The following C11orf42 variants were observed in gnomAD, a reference collection of about 807,000 sequenced individuals.
C11orf42 encodes the protein uncharacterized protein C11orf42.
In C11orf42, 24 loss-of-function variants were observed where a neutral mutation model predicts 27.9. The ratio of observed to expected loss-of-function variants is 0.86; its 90% CI spans 0.62 to 1.21. The LOEUF is 1.21. C11orf42 is among the 50% of genes most tolerant of loss of function. C11orf42 has a pLI of 0.00. For missense variants in C11orf42, 455 were observed against 424.1 expected, an observed-to-expected ratio of 1.07 and a Z score of -0.64; for synonymous variants, 187 against 180.8, an observed-to-expected ratio of 1.03 and a Z score of -0.28.
intron 1 of C11orf42, among the ~76,000 whole-genome samples, chr11:6,207,502 T>C (rs968303912): frequency 1.3e-5 from 2 of 152,222 alleles, no homozygotes; most frequent in Admixed American, 6.5e-5. Context: ...TAGTGTGAGA[T>C]TCTGATGTCA....
At chr11:6,209,472 G>C (rs1316190457) in intron 1 of C11orf42, among the ~76,000 whole-genome samples, 1 of 152,116 alleles carries the variant, frequency 6.6e-6, no homozygotes, top group Non-Finnish European at 1.5e-5. Context: ...CAAAACTCAA[G>C]TATCACCATC....
At chr11:6,207,743 A>G (rs780125957) in intron 1 of C11orf42, among the ~76,000 whole-genome samples, 3 of 152,250 alleles carry the variant, frequency 2.0e-5, no homozygotes, top group Admixed American at 6.5e-5. Flanking sequence ...ACAGTAGTCT[A>G]CAAGCTACCT....
chr11:6,207,323 G>A (rs941456225), intron 1 of C11orf42, among the ~76,000 whole-genome samples: 4 of 152,196 alleles, frequency 2.6e-5, no homozygotes, highest in African/African-American at 4.8e-5. Flanking sequence ...TAGGAAGAGC[G>A]TATGGGGAAT....
At chr11:6,209,711 A>G in intron 1 of C11orf42, 139 bp from the exon 2 acceptor site, 2 of 797,368 alleles carry the variant, frequency 2.5e-6, no homozygotes, top group Non-Finnish European at 4.0e-6. Flanking sequence ...GCTGCCGGAG[A>G]GCTGGGAGGT....
chr11:6,210,941 C>G lies in C11orf42; in HGVS notation c.901C>G (p.Pro301Ala). The change falls in exon 3 of 3, where the codon CCA becomes GCA. Residue 301 changes from proline to alanine, a missense_variant. Pro to Ala is a conservative substitution (Grantham distance 27, BLOSUM62 -1). Coordinates refer to ENST00000316375, the MANE Select transcript of C11orf42 (RefSeq NM_173525.3). This position sits in a 1 kb window ranked among gnomAD's most constrained non-coding sequence, Gnocchi z 4.0. ...ENWLFSPRSP[P>A]PGAQGGGPRD... ...CTGGCTCTTCAGCCCCCGCAGCCCTCCACCAGGAGCCCAGGGTGGGGGCCC... is the reference window on the plus strand; with the variant it reads ...CTGGCTCTTCAGCCCCCGCAGCCCTGCACCAGGAGCCCAGGGTGGGGGCCC... The G allele has an allele frequency of 1.2e-6, 2 of 1,608,608 alleles. No homozygotes were observed. Among genetic ancestry groups the G allele is most frequent in the Non-Finnish European group, 1.7e-6 (2 of 1,178,230 alleles).
In C11orf42 at chr11:6,205,608, A is replaced by AC; in HGVS notation, c.-4dup. The AC allele has an allele frequency of 6.2e-7, 1 of 1,612,058 alleles. No individual in the cohort carries two copies. Among genetic ancestry groups the AC allele is most frequent in the Admixed American group, 1.7e-5 (1 of 59,924 alleles). On this transcript the variant is annotated 5_prime_UTR_variant, in exon 1 of 3. Coordinates refer to ENST00000316375, the MANE Select transcript of C11orf42 (RefSeq NM_173525.3). ...CACTGCCCTGCCCAATCCCTCCCAT[A>AC]CCCCACCATGTTGGTGGGTACCCCC...
intron 1 of C11orf42, among the ~76,000 whole-genome samples, chr11:6,208,900 C>T (rs995438690): frequency 3.3e-5 from 5 of 152,042 alleles, no homozygotes; most frequent in South Asian, 2.1e-4. Flanking sequence ...TCTGGCCAGG[C>T]GCGGTGGCTC....
intron 1 of C11orf42, 30 bp downstream of exon 1, chr11:6,205,717 G>A (rs1160761563): frequency 1.3e-6 from 2 of 1,588,858 alleles, no homozygotes; most frequent in Non-Finnish European, 1.7e-6. Flanking sequence ...TAAAGAGGAA[G>A]CAACGAAGTG....
rs1847043143 is a variant in C11orf42, at chr11:6,210,570, G to A, written c.793G>A (p.Glu265Lys). 1.2e-6 allele frequency: 2 copies of A among 1,614,054 alleles called. No homozygotes were observed. Among genetic ancestry groups the A allele is most frequent in the African/African-American group, 1.3e-5 (1 of 75,026 alleles). ...AGCCCCACCTACGCCACCTCCCCAG[G>A]AAGGGCCAGAGGACAAACCCACCAG... ...VPAPPTPPPQ[E>K]GPEDKPTRFS... The change falls in exon 2 of 3, where the codon GAA (glutamate) becomes AAA (lysine). Residue 265 changes from glutamate (E) to lysine (K), a missense_variant. Transcript: ENST00000316375. The surrounding 1 kb of genome is among the most constrained non-coding windows in gnomAD (Gnocchi z 4.0).
In C11orf42 at chr11:6,205,703, A is replaced by T. The variant is rs1846971531; in HGVS notation, c.72+16A>T. ...CAAGGATAAGGTAGGTAAAGTAAGG[A>T]GGCTAAAGAGGAAGCAACGAAGTGT... is the stretch of plus-strand genomic sequence containing the variant. On this transcript the variant is annotated intron_variant, in intron 1 of 2. Transcript: ENST00000316375. 6.2e-7 allele frequency: 1 copy of T among 1,609,172 alleles called. No homozygotes were observed. The highest frequency in any genetic ancestry group is 8.5e-7 in the Non-Finnish European group (1 of 1,175,896).
intron 1 of C11orf42, among the ~76,000 whole-genome samples, chr11:6,206,715 T>C (rs1288006386): frequency 3.3e-5 from 5 of 152,162 alleles, no homozygotes; most frequent in Non-Finnish European, 7.3e-5. Context: ...TTAGAGCAAC[T>C]GGTTTCAGCA....
At chr11:6,207,150 A>C (rs1427522579) in intron 1 of C11orf42, among the ~76,000 whole-genome samples, 1 of 152,176 alleles carries the variant, frequency 6.6e-6, no homozygotes, top group Non-Finnish European at 1.5e-5. Flanking sequence ...GAAGAAGCAG[A>C]AGTTCAGTAG....
Position 6,209,969 on chromosome 11 carries a change from T to C in C11orf42, c.192T>C (p.Ala64=). ...KQSRPAHTRL[A]LPGRQGRRAL... is the part of the protein sequence containing the mutation. ...CCCGCCCAGCCCATACCCGCCTGGC[T>C]TTGCCAGGTCGGCAGGGCCGGAGGG... is the stretch of plus-strand genomic sequence containing the variant. The change falls in exon 2 of 3, where the codon GCT becomes GCC. Residue 64 remains alanine (A), a synonymous_variant. Transcript: ENST00000316375. The C allele has an allele frequency of 6.2e-7, 1 of 1,613,572 alleles. No homozygotes were observed. Among genetic ancestry groups the C allele is most frequent in the Non-Finnish European group, 8.5e-7 (1 of 1,179,464 alleles).
chr11:6,209,105 G>C (rs887154034), intron 1 of C11orf42, among the ~76,000 whole-genome samples: 20 of 150,594 alleles, frequency 1.3e-4, no homozygotes, highest in Non-Finnish European at 2.4e-4. Context: ...GAACCCAGGA[G>C]GCAGAGGTTT....
Position 6,210,206 on chromosome 11 carries a change from G to C in C11orf42, c.429G>C (p.Gln143His). The C allele has an allele frequency of 6.2e-7, 1 of 1,614,240 alleles. No individual in the cohort carries two copies. The highest frequency in any genetic ancestry group is 1.3e-5 in the African/African-American group (1 of 75,068). Residue 143 changes from glutamine (Q) to histidine (H), a missense_variant, in exon 2 of 3, where the codon CAG (glutamine) becomes CAC (histidine). Transcript: ENST00000316375. The surrounding 1 kb of genome is among the most constrained non-coding windows in gnomAD (Gnocchi z 4.0). ...CCTTCCTGTTGCTGCCACCAGGGCA[G>C]GTGAGCCTACAGCAGACTCTTCCCT... ...KVAFLLLPPG[Q>H]VSLQQTLPWL...
chr11:6,205,647 T>C lies in C11orf42; in HGVS notation c.32T>C (p.Leu11Pro), dbSNP rs768806981. MLVGTPNLLT[L>P]DEADATWTLI... ...GTGGGTACCCCCAACCTGCTGACAC[T>C]GGATGAAGCTGATGCCACCTGGACC... Residue 11 changes from leucine to proline, a missense_variant, in exon 1 of 3, where the codon CTG (leucine) becomes CCG (proline). Coordinates refer to ENST00000316375, the MANE Select transcript of C11orf42 (RefSeq NM_173525.3). 2 of 1,613,864 alleles carry C rather than the reference T, an allele frequency of 1.2e-6. No individual in the cohort carries two copies. Among genetic ancestry groups the C allele is most frequent in the East Asian group, 2.2e-5 (1 of 44,860 alleles).
At chr11:6,209,731 G>T in intron 1 of C11orf42, 119 bp from the exon 2 acceptor site, 1 of 1,019,776 alleles carries the variant, frequency 9.8e-7, no homozygotes, top group Non-Finnish European at 1.4e-6. Context: ...TAAGCAGAAA[G>T]CATAAATCTG....
rs1032995405 is a variant in C11orf42, at chr11:6,210,587, A to T, written c.810A>T (p.Lys270Asn). The T allele has an allele frequency of 7.4e-6, 12 of 1,614,096 alleles. No individual in the cohort carries two copies. The highest frequency in any genetic ancestry group is 9.3e-6 in the Non-Finnish European group (11 of 1,180,022). ...CTCCCCAGGAAGGGCCAGAGGACAA[A>T]CCCACCAGATTCTCCTACAAGGGCC... ...TPPPQEGPED[K>N]PTRFSYKGRN... Residue 270 changes from lysine to asparagine, a missense_variant, in exon 2 of 3, where the codon AAA becomes AAT. Coordinates refer to ENST00000316375, the MANE Select transcript of C11orf42 (RefSeq NM_173525.3). This position sits in a 1 kb window ranked among gnomAD's most constrained non-coding sequence, Gnocchi z 4.0.
At chr11:6,207,125 C>T (rs1162382016) in intron 1 of C11orf42, among the ~76,000 whole-genome samples, 1 of 152,108 alleles carries the variant, frequency 6.6e-6, no homozygotes, top group Non-Finnish European at 1.5e-5. Flanking sequence ...GGCCTAAGGT[C>T]CATATAATTT....
Sources: allele counts gnomAD v4.1 joint callset (sites outside exome capture counted in the v4.1 genomes callset), GRCh38; gene constraint gnomAD v4.1.1; non-coding constraint Gnocchi (gnomAD v3.1); transcripts MANE v1.5; gene names NCBI Gene and HGNC (gene_info 2026-07-23, HGNC 2026-07-21).